PNPLA1: variants seen among roughly 807,000 people sequenced by gnomAD.
PNPLA1 encodes patatin like domain 1, omega-hydroxyceramide transacylase, also known as omega-hydroxyceramide transacylase.
Under a neutral mutation model 51.7 loss-of-function variants are expected in PNPLA1, and 36 were observed. The ratio of observed to expected loss-of-function variants is 0.70; its 90% CI spans 0.53 to 0.92. The LOEUF is 0.92. Among genes scored for constraint, PNPLA1 ranks in the 40% least tolerant of loss-of-function variants. The pLI is 0.00. For missense variants in PNPLA1, 658 were observed against 682.5 expected, an observed-to-expected ratio of 0.96 and a Z score of 0.40; for synonymous variants, 293 against 280.1, an observed-to-expected ratio of 1.05 and a Z score of -0.46.
intron 1 of PNPLA1, among the ~76,000 whole-genome samples, chr6:36,272,469 C>T (rs1769948423): frequency 2.6e-5 from 4 of 152,158 alleles, no homozygotes; most frequent in African/African-American, 7.2e-5. Flanking sequence ...GCCACAGACC[C>T]GGGGCCATGG....
intron 1 of PNPLA1, among the ~76,000 whole-genome samples, chr6:36,254,672 G>A (rs1444708788): frequency 6.6e-6 from 1 of 152,112 alleles, no homozygotes; most frequent in Admixed American, 6.5e-5. Context: ...CTGTAGGGAT[G>A]GACCTGGCTT....
intron 1 of PNPLA1, among the ~76,000 whole-genome samples, chr6:36,262,574 C>T (rs1429937992): frequency 1.4e-4 from 22 of 152,208 alleles, no homozygotes; most frequent in Non-Finnish European, 2.9e-5. Context: ...TTTCCCTCCA[C>T]CCGCAAGCCC....
intron 1 of PNPLA1, among the ~76,000 whole-genome samples, chr6:36,246,828 G>A (rs747749733): frequency 1.3e-5 from 2 of 152,144 alleles, no homozygotes; most frequent in Non-Finnish European, 2.9e-5. Flanking sequence ...CCTTTCTGTA[G>A]TTCTAATTAC....
chr6:36,297,936 C>T (rs547305260), intron 5 of PNPLA1, among the ~76,000 whole-genome samples: 2 of 152,090 alleles, frequency 1.3e-5, no homozygotes, highest in African/African-American at 2.4e-5. Context: ...ATTCGTCATC[C>T]CCAAAATTTC....
intron 1 of PNPLA1, among the ~76,000 whole-genome samples, chr6:36,252,943 G>A (rs902356270): frequency 5.9e-5 from 9 of 152,196 alleles, no homozygotes; most frequent in African/African-American, 2.2e-4. Flanking sequence ...CACTTTTGGC[G>A]GCCAAGGCTG....
chr6:36,269,150 C>G (rs1194101532), upstream of PNPLA1, among the ~76,000 whole-genome samples: 2 of 152,204 alleles, frequency 1.3e-5, no homozygotes. Context: ...GGTGCAAGCT[C>G]CCCAGAAGCG....
chr6:36,268,050 C>T (rs929126424), upstream of PNPLA1, among the ~76,000 whole-genome samples: 14 of 152,240 alleles, frequency 9.2e-5, no homozygotes, highest in African/African-American at 3.1e-4. Flanking sequence ...GCCTGGCCAC[C>T]ATCATCCTAG....
At chr6:36,267,275 G>A (rs1225830793), upstream of PNPLA1, among the ~76,000 whole-genome samples, 1 of 152,216 alleles carries the variant, frequency 6.6e-6, no homozygotes, top group Non-Finnish European at 1.5e-5. Flanking sequence ...GCGAATGAAA[G>A]GAACCTTCTC....
chr6:36,290,326 G>A (rs1770636445), intron 1 of PNPLA1, among the ~76,000 whole-genome samples: 1 of 152,222 alleles, frequency 6.6e-6, no homozygotes, highest in Non-Finnish European at 1.5e-5. Flanking sequence ...ATGAGCAGGG[G>A]TCAGCAAAAA....
At chr6:36,255,332 C>T (rs1769508335) in intron 1 of PNPLA1, among the ~76,000 whole-genome samples, 1 of 152,106 alleles carries the variant, frequency 6.6e-6, no homozygotes, top group Admixed American at 6.5e-5. Flanking sequence ...TGGAAAAACC[C>T]CGTCTCTACT....
rs1771064728 is a variant in PNPLA1 at position 36,301,955 on chromosome 6, T to C, written c.870T>C (p.Pro290=). Reference sequence around the variant, plus strand: ...AACTCGCCCTTGGCAATGAGTGCCCTGAACGCAGTCAACCAAGCCTTCGAG... The same window carrying C: ...AACTCGCCCTTGGCAATGAGTGCCCCGAACGCAGTCAACCAAGCCTTCGAG... ...QIELALGNEC[P]ERSQPSLRAR... Residue 290 remains proline (P), a synonymous_variant, in exon 6 of 9, where the codon CCT becomes CCC. Transcript: ENST00000636260. 6.2e-7 allele frequency: 1 copy of C among 1,614,222 alleles called. No homozygotes were observed. Among genetic ancestry groups the C allele is most frequent in the Non-Finnish European group, 8.5e-7 (1 of 1,180,036 alleles).
chr6:36,254,754 A>G (rs1319663993), intron 1 of PNPLA1, among the ~76,000 whole-genome samples: 1 of 152,054 alleles, frequency 6.6e-6, no homozygotes, highest in Non-Finnish European at 1.5e-5. Flanking sequence ...GGCCCCTCTC[A>G]GGGGCTGAGA....
In PNPLA1 at chr6:36,313,354, C is replaced by G. The variant is rs1771447133; in HGVS notation, c.*1468C>G. On this transcript the variant is annotated 3_prime_UTR_variant, in exon 9 of 9. Transcript: ENST00000636260. Reference sequence around the variant, plus strand: ...AACCTCCAGGTCCCGCCAGGCCCAGCAAGGAAGCCCCAGCTGCCCACAGGC... The same window carrying G: ...AACCTCCAGGTCCCGCCAGGCCCAGGAAGGAAGCCCCAGCTGCCCACAGGC... Among the ~76,000 whole-genome samples the G allele has an allele frequency of 6.6e-6, 1 of 152,170 alleles. No homozygotes were observed. The highest frequency in any genetic ancestry group is 1.5e-5 in the Non-Finnish European group (1 of 68,042).
intron 8 of PNPLA1, chr6:36,308,377 CG>C (rs1771308131): frequency 6.6e-6 from 1 of 151,826 alleles, no homozygotes; most frequent in African/African-American, 2.4e-5. Context: ...AACCCCATCT[CG>C]AAAAAAAACA....
intron 1 of PNPLA1, among the ~76,000 whole-genome samples, chr6:36,290,899 C>T (rs993178778): frequency 1.3e-5 from 2 of 152,224 alleles, no homozygotes; most frequent in African/African-American, 4.8e-5. Context: ...CTTCCAACTG[C>T]ACCAGTGTTT....
At chr6:36,274,414 G>C (rs1232088148) in intron 1 of PNPLA1, among the ~76,000 whole-genome samples, 2 of 152,174 alleles carry the variant, frequency 1.3e-5, no homozygotes, top group Admixed American at 1.3e-4. Context: ...ATGAGCCCAA[G>C]AATATCTTGG....
At chr6:36,245,924 G>A (rs1223508744) in intron 1 of PNPLA1, among the ~76,000 whole-genome samples, 1 of 152,216 alleles carries the variant, frequency 6.6e-6, no homozygotes, top group African/African-American at 2.4e-5. Flanking sequence ...TAGCCAGGGA[G>A]GGACCTGCTT....
In PNPLA1 at chr6:36,263,257, G is replaced by A. The variant is rs191207420; in HGVS notation, c.-81+19996G>A. 5.1e-3 allele frequency among the ~76,000 whole-genome samples: 781 copies of A among 152,148 alleles called. 6 individuals are homozygous for A. Among genetic ancestry groups the A allele is most frequent in the Non-Finnish European group, 4.2e-3 (287 of 68,026 alleles). ...AATGTTGACTAAAAAACTGCACACC[G>A]GGAGAGGATATTTCCAATGCATTCA... is the stretch of plus-strand genomic sequence containing the variant. On this transcript the variant is annotated intron_variant, in intron 1 of 7. Transcript: ENST00000312917.
intron 1 of PNPLA1, among the ~76,000 whole-genome samples, chr6:36,253,918 G>A (rs934069594): frequency 6.6e-6 from 1 of 152,116 alleles, no homozygotes; most frequent in African/African-American, 2.4e-5. Context: ...TATTCTCCCC[G>A]TGTGAGCTTA....
Sources: gnomAD v4.1 joint callset for allele counts (sites outside exome capture counted in the v4.1 genomes callset) on GRCh38, gnomAD v4.1.1 for gene constraint, MANE v1.5 for transcripts, NCBI Gene and HGNC (gene_info 2026-07-23, HGNC 2026-07-21) for gene names.